Variants in AKAP8 observed in about 807,000 individuals in gnomAD.
The protein encoded by AKAP8 is A-kinase anchor protein 8.
A neutral mutation model predicts 67.5 loss-of-function variants in AKAP8; 24 were observed. The observed-to-expected ratio is 0.36, with a 90% CI of 0.26 to 0.50. The LOEUF (loss-of-function observed/expected upper bound fraction) is 0.50. AKAP8 is among the 20% of genes least tolerant of loss of function. The pLI, the probability that AKAP8 is intolerant of heterozygous loss-of-function variation, is 0.97. For missense variants in AKAP8, 971 were observed against 955.9 expected (o/e 1.02, Z -0.21); for synonymous variants, 400 against 371.1 (o/e 1.08, Z -0.90).
intron 8 of AKAP8, 47 bp downstream of exon 8, chr19:15,370,099 C>A (rs919711442): frequency 3.1e-6 from 5 of 1,611,510 alleles, no homozygotes; most frequent in African/African-American, 1.3e-5. Flanking sequence ...AAGTGCGGGG[C>A]AGCTGGGAAG....
chr19:15,371,002 G>A (rs1434791029), intron 7 of AKAP8, among the ~76,000 whole-genome samples: 1 of 152,210 alleles, frequency 6.6e-6, no homozygotes, highest in Non-Finnish European at 1.5e-5. Context: ...GAACAGAGCT[G>A]ACTCCTTAGG....
Position 15,355,244 on chromosome 19 carries a change from C to G in AKAP8, c.1750G>C (p.Ala584Pro), listed in dbSNP as rs1485376392. The change falls in exon 14 of 14, where the codon GCA (alanine) becomes CCA (proline). Residue 584 changes from alanine (A) to proline (P), a missense_variant. Transcript: ENST00000269701. The stretch of plus-strand genomic sequence containing the variant: ...TCCCCATCTACGGCCCTCACTGCTG[C>G]TGTAATCACCTCTGCTAAGACGTCC... ...AADVLAEVIT[A>P]AVRAVDGEGA... The G allele has an allele frequency of 6.2e-7, 1 of 1,612,004 alleles. No individual in the cohort carries two copies. The highest frequency in any genetic ancestry group is 2.2e-5 in the East Asian group (1 of 44,888).
intron 1 of AKAP8, among the ~76,000 whole-genome samples, chr19:15,377,430 T>A (rs955615493): frequency 8.5e-5 from 13 of 152,230 alleles, no homozygotes; most frequent in Admixed American, 2.6e-4. Context: ...GCATGGGAAT[T>A]TAGTGACATA....
rs148784064 is a variant in AKAP8, at chr19:15,355,096, G to A, written c.1898C>T (p.Thr633Met). 12 of 1,613,728 alleles carry A rather than the reference G, an allele frequency of 7.4e-6. No homozygotes were observed. The African/African-American group carries it at 8.0e-5, about 11-fold the overall frequency. ...CTTGGGGACGCCCTTCTCATGTGCCGTTCCACAGGGCACCTGCTCTTCCAG... is the reference window on the plus strand; with the variant it reads ...CTTGGGGACGCCCTTCTCATGTGCCATTCCACAGGGCACCTGCTCTTCCAG... ...QLLEEQVPCG[T>M]AHEKGVPKAR... Residue 633 changes from threonine to methionine, a missense_variant, in exon 14 of 14, where the codon ACG becomes ATG. Physicochemically the swap from Thr to Met is moderately conservative, Grantham distance 81. Transcript: ENST00000269701.
In AKAP8 at chr19:15,360,779, A is replaced by G. The variant is rs1966951351; in HGVS notation, c.1527+69T>C. 2.6e-6 allele frequency: 4 copies of G among 1,547,382 alleles called. No individual in the cohort carries two copies. The South Asian group carries it at 4.8e-5, about 19-fold the overall frequency. On this transcript the variant is annotated intron_variant, in intron 12 of 13. Coordinates refer to ENST00000269701, the MANE Select transcript of AKAP8 (RefSeq NM_005858.4). ...CCCTAAAGATGTTGTTATTCCCCATAAGACACAGCAGGCTCTGAGCCGCAG... is the reference window on the plus strand; with the variant it reads ...CCCTAAAGATGTTGTTATTCCCCATGAGACACAGCAGGCTCTGAGCCGCAG...
chr19:15,354,975 G>C lies in AKAP8; in HGVS notation c.2019C>G (p.Ala673=), dbSNP rs149974098. Residue 673 remains alanine, a synonymous_variant, in exon 14 of 14, where the codon GCC becomes GCG. Transcript: ENST00000269701. ...CAGTTTGTTCCACTTCAGCATCCGCGGCAGCTGGGGCAGGAGCAACTCTGG... is the reference window on the plus strand; with the variant it reads ...CAGTTTGTTCCACTTCAGCATCCGCCGCAGCTGGGGCAGGAGCAACTCTGG... ...AQTRVAPAPA[A]ADAEVEQTDA... is the part of the protein sequence containing the mutation. 1.7e-5 allele frequency: 28 copies of C among 1,614,126 alleles called. No individual in the cohort carries two copies. The South Asian group carries it at 3.0e-4, about 17-fold the overall frequency.
chr19:15,356,853 G>A (rs753517283), intron 13 of AKAP8, among the ~76,000 whole-genome samples: 1 of 151,286 alleles, frequency 6.6e-6, no homozygotes, highest in Non-Finnish European at 1.5e-5. Flanking sequence ...GCATGTGGCC[G>A]GGTGCAGTGG....
At position 15,368,254 on chromosome 19, in the gene AKAP8, G is replaced by T; in HGVS notation, c.1141C>A (p.Arg381=). The T allele has an allele frequency of 1.2e-6, 2 of 1,612,760 alleles. No individual in the cohort carries two copies. Among genetic ancestry groups the T allele is most frequent in the Non-Finnish European group, 8.5e-7 (1 of 1,179,854 alleles). Residue 381 remains arginine (R), a synonymous_variant, in exon 9 of 14, where the codon CGG becomes AGG. Coordinates refer to ENST00000269701, the MANE Select transcript of AKAP8 (RefSeq NM_005858.4). ...REKQRRRDRT[R]DRAADRIQFA... is the part of the protein sequence containing the mutation. ...CCTCACCTGTCGGCTGCACGGTCCC[G>T]CGTCCTGTCTCTTCTCCTTTGCTTT...
chr19:15,359,209 C>T, intron 12 of AKAP8, 147 bp from the exon 13 acceptor site: 1 of 702,332 alleles, frequency 1.4e-6, no homozygotes, highest in Non-Finnish European at 2.4e-6. Flanking sequence ...TAGAAGGCTC[C>T]AGAGACTGTG....
Position 15,362,126 on chromosome 19 carries a change from G to C in AKAP8, c.1286C>G (p.Thr429Ser), listed in dbSNP as rs1966976791. ...RFISTKLPDK[T>S]VEFLQEYIVN... is the part of the protein sequence containing the mutation. ...TTCCTTTACCTGGAGGAACTCCACG[G>C]TCTTGTCGGGCAGCTTGGTGCTTAT... The change falls in exon 10 of 14, where the codon ACC (threonine) becomes AGC (serine). Residue 429 changes from threonine (T) to serine (S), a missense_variant. By Grantham distance (58) the Thr-to-Ser change is moderately conservative. This residue lies in a region of AKAP8 where 763 missense variants were observed against 745.4 expected (regional missense o/e 1.02). Coordinates refer to ENST00000269701, the MANE Select transcript of AKAP8 (RefSeq NM_005858.4). The C allele has an allele frequency of 1.9e-6, 3 of 1,613,946 alleles. No individual in the cohort carries two copies. The highest frequency in any genetic ancestry group is 2.5e-6 in the Non-Finnish European group (3 of 1,179,968).
intron 5 of AKAP8, 57 bp downstream of exon 5, chr19:15,372,794 A>G: frequency 6.8e-7 from 1 of 1,470,828 alleles, no homozygotes; most frequent in Admixed American, 2.6e-5. Flanking sequence ...TTTTACCTCA[A>G]TAAAGCTGCT....
In AKAP8 at chr19:15,360,953, C is replaced by T; in HGVS notation, c.1422G>A (p.Lys474=). The change falls in exon 12 of 14, where the codon AAG becomes AAA. Residue 474 remains lysine, a synonymous_variant. Coordinates refer to ENST00000269701, the MANE Select transcript of AKAP8 (RefSeq NM_005858.4). ...CCAGGCAGTGAGCAGCCTCGATCTT[C>T]TTGAAGAAGTGCTCCTGGCCAATCC... is the stretch of plus-strand genomic sequence containing the variant. ...FKGIGQEHFF[K]KIEAAHCLAC... is the part of the protein sequence containing the mutation. 1.9e-6 allele frequency: 3 copies of T among 1,613,462 alleles called. No homozygotes were observed. The highest frequency in any genetic ancestry group is 2.2e-5 in the East Asian group (1 of 44,860).
At chr19:15,363,778 T>C (rs1319456433) in intron 9 of AKAP8, among the ~76,000 whole-genome samples, 2 of 152,070 alleles carry the variant, frequency 1.3e-5, no homozygotes, top group Admixed American at 6.6e-5. Flanking sequence ...TAGAAAGAGG[T>C]AGACGTGGGA....
At chr19:15,377,938 T>A (rs1217430012) in intron 1 of AKAP8, among the ~76,000 whole-genome samples, 1 of 152,192 alleles carries the variant, frequency 6.6e-6, no homozygotes, top group African/African-American at 2.4e-5. Context: ...TCTCTTTATT[T>A]CTGTGTCCCT....
In AKAP8 at chr19:15,363,698, G is replaced by A. The variant is rs534541305; in HGVS notation, c.1161-1447C>T. On this transcript the variant is annotated intron_variant, in intron 9 of 13. Coordinates refer to ENST00000269701, the MANE Select transcript of AKAP8 (RefSeq NM_005858.4). ...GAGAACGGGCCATGATGACAATGGC[G>A]GTTTTGTGGAATAGAAAGGCGGGAA... Among the ~76,000 whole-genome samples, 697 of 152,280 alleles carry A rather than the reference G, an allele frequency of 4.6e-3. 6 individuals carry two copies. The highest frequency in any genetic ancestry group is 0.016 in the African/African-American group (659 of 41,556).
intron 1 of AKAP8, among the ~76,000 whole-genome samples, chr19:15,378,435 G>A (rs574432802): frequency 2.0e-5 from 3 of 152,166 alleles, no homozygotes; most frequent in Admixed American, 6.5e-5. Context: ...CAGGTAGGAA[G>A]AGGGGGTAAA....
chr19:15,373,701 C>T, intron 4 of AKAP8, 85 bp downstream of exon 4: 2 of 1,460,012 alleles, frequency 1.4e-6, no homozygotes, highest in Non-Finnish European at 1.8e-6. Context: ...GGGACAGGCC[C>T]TCCCTCAAGA....
At chr19:15,373,616 G>A in intron 4 of AKAP8, 170 bp downstream of exon 4, 1 of 986,604 alleles carries the variant, frequency 1.0e-6, no homozygotes, top group South Asian at 1.7e-5. Flanking sequence ...ATGAAGAAAA[G>A]CAAGGAAGTC....
chr19:15,374,111 C>T (rs1967210925), intron 3 of AKAP8, 46 bp from the exon 4 acceptor site: 3 of 1,522,422 alleles, frequency 2.0e-6, no homozygotes, highest in Non-Finnish European at 1.8e-6. Flanking sequence ...AGCCACGAGG[C>T]CTGTCCATGG....
Sources: gnomAD v4.1 joint callset for allele counts (sites outside exome capture counted in the v4.1 genomes callset) on GRCh38, gnomAD v4.1.1 for gene constraint, gnomAD v4.1.1 regional missense constraint, MANE v1.5 for transcripts, NCBI Gene and HGNC (gene_info 2026-07-23, HGNC 2026-07-21) for gene names.